Variants in FANCL observed in about 807,000 individuals in gnomAD.
The protein encoded by FANCL is FA complementation group L.
FANCL carries 69 observed loss-of-function variants against 59.4 expected under a neutral mutation model. That is an observed-to-expected ratio of 1.16 (90% CI 0.96 to 1.42). FANCL has a LOEUF of 1.42. FANCL is among the 40% of genes most tolerant of loss of function. FANCL has a pLI of 0.00. For missense variants in FANCL, 519 were observed against 447.2 expected (o/e 1.16, Z -1.45); for synonymous variants, 180 against 147.1 (o/e 1.22, Z -1.62).
chr2:58,167,417 CTCTG>C (rs138882280), intron 7 of FANCL, among the ~76,000 whole-genome samples: 2,023 of 152,270 alleles, frequency 0.013, 60 homozygotes, highest in African/African-American at 0.047. Flanking sequence ...TTTCTCCTTT[CTCTG>C]TCTGTTTCTA....
At chr2:58,191,988 C>T (rs1688971060) in intron 7 of FANCL, among the ~76,000 whole-genome samples, 1 of 151,818 alleles carries the variant, frequency 6.6e-6, no homozygotes, top group Admixed American at 6.6e-5. Flanking sequence ...GAATTTGATC[C>T]AGACTTTAAG....
At chr2:58,238,354 G>A (rs887965005) in intron 1 of FANCL, among the ~76,000 whole-genome samples, 4 of 152,084 alleles carry the variant, frequency 2.6e-5, no homozygotes, top group Non-Finnish European at 4.4e-5. Flanking sequence ...CAAGTTGTTC[G>A]CAAATTTCAA....
At chr2:58,182,685 C>CT (rs1254183036) in intron 7 of FANCL, among the ~76,000 whole-genome samples, 1 of 149,916 alleles carries the variant, frequency 6.7e-6, no homozygotes, top group Non-Finnish European at 1.5e-5. Context: ...GCAATCCTCA[C>CT]TTACATCACA....
rs769215579 is a variant in FANCL at position 58,163,550 on chromosome 2, T to C, written c.692-33A>G. ...GAAACAAGATTAAATCTTTTAGAAGTAGAACAGCTCATCAAACAACCCAAT... is the reference window on the plus strand; with the variant it reads ...GAAACAAGATTAAATCTTTTAGAAGCAGAACAGCTCATCAAACAACCCAAT... On this transcript the variant is annotated intron_variant, in intron 8 of 13. Transcript: ENST00000233741. 9.1e-6 allele frequency: 12 copies of C among 1,321,724 alleles called. No individual in the cohort carries two copies. In the South Asian group the frequency reaches 9.5e-5, roughly 10 times the overall value. 81.9% of individuals were successfully genotyped at this position (1,321,724 alleles called of 1,614,324 possible).
chr2:58,192,523 C>T (rs1558776099), intron 7 of FANCL, among the ~76,000 whole-genome samples: 1 of 151,858 alleles, frequency 6.6e-6, no homozygotes, highest in Non-Finnish European at 1.5e-5. Context: ...CCGTTAACCA[C>T]ATTACATTAG....
chr2:58,227,431 C>T (rs1468348815), intron 3 of FANCL, among the ~76,000 whole-genome samples: 1 of 152,152 alleles, frequency 6.6e-6, no homozygotes, highest in Admixed American at 6.5e-5. Context: ...GCAAGTAGCT[C>T]TCAGTAGATG....
intron 7 of FANCL, among the ~76,000 whole-genome samples, chr2:58,172,045 G>A (rs1376737463): frequency 6.6e-6 from 1 of 152,230 alleles, no homozygotes; most frequent in Non-Finnish European, 1.5e-5. Flanking sequence ...CGAGGCTGGG[G>A]GAGGGGCGCC....
At chr2:58,203,651 T>G (rs1690280882) in intron 6 of FANCL, among the ~76,000 whole-genome samples, 1 of 151,936 alleles carries the variant, frequency 6.6e-6, no homozygotes, top group Non-Finnish European at 1.5e-5. Context: ...TTAAAATACT[T>G]AAAAAACCCC....
At chr2:58,217,145 T>TTA (rs1230849426) in intron 5 of FANCL, among the ~76,000 whole-genome samples, 2 of 67,628 alleles carry the variant, frequency 3.0e-5, no homozygotes, top group African/African-American at 8.6e-5. Context: ...ATATATAGAT[T>TTA]TATATATATA....
intron 7 of FANCL, among the ~76,000 whole-genome samples, chr2:58,176,475 G>T (rs190693635): frequency 6.6e-6 from 1 of 151,884 alleles, no homozygotes; most frequent in Non-Finnish European, 1.5e-5. Context: ...AAATAACGCC[G>T]CATATCTACA....
intron 8 of FANCL, among the ~76,000 whole-genome samples, chr2:58,164,062 A>G (rs1685609078): frequency 6.6e-6 from 1 of 152,050 alleles, no homozygotes; most frequent in South Asian, 2.1e-4. Context: ...AAAAGATTTC[A>G]TTCACATTGG....
At chr2:58,221,713 G>T (rs991118466) in intron 5 of FANCL, among the ~76,000 whole-genome samples, 1 of 152,038 alleles carries the variant, frequency 6.6e-6, no homozygotes, top group Admixed American at 6.6e-5. Context: ...ATCTTACTGT[G>T]TACATAAAAA....
intron 7 of FANCL, among the ~76,000 whole-genome samples, chr2:58,168,638 G>A (rs1362433082): frequency 2.0e-5 from 3 of 151,988 alleles, no homozygotes; most frequent in East Asian, 3.9e-4. Context: ...ATGCCAGGGC[G>A]CCAAGTGGTC....
rs1195674676 is a variant in FANCL, at chr2:58,163,490, A to G, written c.719T>C (p.Val240Ala). 1.2e-6 allele frequency: 2 copies of G among 1,608,024 alleles called. No individual in the cohort carries two copies. The highest frequency in any genetic ancestry group is 2.2e-5 in the East Asian group (1 of 44,780). Reference protein sequence around the residue: ...LGNNVSINIEVDPRHPTMLPE... With the variant: ...LGNNVSINIEADPRHPTMLPE... The stretch of plus-strand genomic sequence containing the variant: ...AAGCATAGTAGGATGCCTGGGGTCT[A>G]CCTCTATATTTATGGAAACATTATT... Residue 240 changes from valine (V) to alanine (A), a missense_variant, in exon 9 of 14, where the codon GTA (valine) becomes GCA (alanine). By Grantham distance (64) the Val-to-Ala change is moderately conservative. Coordinates refer to ENST00000233741, the MANE Select transcript of FANCL (RefSeq NM_018062.4).
chr2:58,200,309 C>CT (rs1182259894), intron 6 of FANCL, among the ~76,000 whole-genome samples: 4 of 151,968 alleles, frequency 2.6e-5, no homozygotes, highest in African/African-American at 9.7e-5. Flanking sequence ...GCTCTGCTAA[C>CT]TAAGTTGTAT....
At chr2:58,172,337 C>T (rs1258202365) in intron 7 of FANCL, among the ~76,000 whole-genome samples, 2 of 152,214 alleles carry the variant, frequency 1.3e-5, no homozygotes, top group East Asian at 1.9e-4. Flanking sequence ...AGCAGCCTAA[C>T]TGGGAGGCAC....
intron 4 of FANCL, among the ~76,000 whole-genome samples, chr2:58,226,167 C>T (rs1692979713): frequency 6.6e-6 from 1 of 152,038 alleles, no homozygotes; most frequent in Admixed American, 6.5e-5. Context: ...TCAGGCCCAG[C>T]AGTATTCACT....
chr2:58,235,737 A>T (rs1693952855), intron 1 of FANCL, among the ~76,000 whole-genome samples: 1 of 152,130 alleles, frequency 6.6e-6, no homozygotes, highest in Non-Finnish European at 1.5e-5. Flanking sequence ...TAAAAAATTA[A>T]AACAATTAAA....
At chr2:58,163,326 A>G (rs892012281) in intron 9 of FANCL, 108 bp downstream of exon 9, 11 of 875,234 alleles carry the variant, frequency 1.3e-5, no homozygotes, top group Admixed American at 2.2e-5. Flanking sequence ...CGTCTCAGAC[A>G]AAAAATAAAA....
Sources: gnomAD v4.1 joint callset for allele counts (sites outside exome capture counted in the v4.1 genomes callset) on GRCh38, gnomAD v4.1.1 for gene constraint, MANE v1.5 for transcripts, NCBI Gene and HGNC (gene_info 2026-07-23, HGNC 2026-07-21) for gene names.